ATP2A2: variants seen among roughly 807,000 people sequenced by gnomAD.
ATP2A2 encodes ATPase sarcoplasmic/endoplasmic reticulum Ca2+ transporting 2, also known as sarcoplasmic/endoplasmic reticulum calcium ATPase 2.
ATP2A2 carries 14 observed loss-of-function variants against 109.3 expected under a neutral mutation model. That is an observed-to-expected ratio of 0.13 (90% confidence interval 0.08 to 0.20). The LOEUF is 0.20. ATP2A2 is among the 10% of genes least tolerant of loss of function. The pLI, the probability that ATP2A2 is intolerant of heterozygous loss-of-function variation, is 1.00. For synonymous variants in ATP2A2, 506 were observed against 490.9 expected (o/e 1.03, Z -0.41); for missense variants, 657 against 1,321.6 (o/e 0.50, Z 7.80).
rs193082365 is a variant in ATP2A2, at chr12:110,350,687, C to T, written c.*4217C>T. On this transcript the variant is annotated 3_prime_UTR_variant, in exon 20 of 20. Transcript: ENST00000539276. ...TACAGTATTCAATTGTAATGCATGCCTTCGGTTGTAAGTAGCCAGATCCCT... is the reference window on the plus strand; with the variant it reads ...TACAGTATTCAATTGTAATGCATGCTTTCGGTTGTAAGTAGCCAGATCCCT... 25 of 278,724 alleles carry T rather than the reference C, an allele frequency of 9.0e-5. No individual in the cohort carries two copies. Among genetic ancestry groups the T allele is most frequent in the Non-Finnish European group, 4.8e-5 (7 of 145,560 alleles). The allele number at this position is 278,724 out of a possible 1,614,324, so 17.3% of individuals were successfully genotyped here.
At chr12:110,307,333 T>C (rs148668919) in intron 5 of ATP2A2, among the ~76,000 whole-genome samples, 3,175 of 151,196 alleles carry the variant, frequency 0.021, 50 homozygotes, top group Non-Finnish European at 0.032. Flanking sequence ...CAGGCTCTAG[T>C]GACCCTCCCA....
intron 5 of ATP2A2, among the ~76,000 whole-genome samples, chr12:110,320,912 C>G (rs777762797): frequency 6.6e-6 from 1 of 152,208 alleles, no homozygotes; most frequent in African/African-American, 2.4e-5. Context: ...AGAGAAAAAT[C>G]AGAACTAATT....
rs1374322704 is a variant in ATP2A2, at chr12:110,296,846, AAC to A, written c.463+113_463+114del. 2.3e-6 allele frequency: 3 copies of A among 1,277,018 alleles called. No individual in the cohort carries two copies. In the African/African-American group the frequency reaches 4.5e-5, roughly 19 times the overall value. The allele number at this position is 1,277,018 out of a possible 1,614,324, so 79.1% of individuals were successfully genotyped here. A position where few individuals can be genotyped will look rare whatever the true frequency, so the allele number is the denominator to read the frequency against. On this transcript the variant is annotated intron_variant, in intron 5 of 19. Transcript: ENST00000539276. Reference sequence around the variant, plus strand: ...AAATAATTGTTTTCATGTATCAATTAACACATTTTATTGCCATTCATACAAAT... The same window carrying A: ...AAATAATTGTTTTCATGTATCAATTAACATTTTATTGCCATTCATACAAAT...
At position 110,350,245 on chromosome 12, in the gene ATP2A2, CCT is replaced by C; in HGVS notation, c.*3780_*3781del. The C allele has an allele frequency of 1.2e-6, 2 of 1,614,160 alleles. No homozygotes were observed. Among genetic ancestry groups the C allele is most frequent in the Non-Finnish European group, 1.7e-6 (2 of 1,180,024 alleles). On this transcript the variant is annotated 3_prime_UTR_variant, in exon 20 of 20. Coordinates refer to ENST00000539276, the MANE Select transcript of ATP2A2 (RefSeq NM_170665.4). The stretch of plus-strand genomic sequence containing the variant: ...TATTTAAATAGGTATTCTAACGTTT[CCT>C]CTCTGTATTTCATGAAGCTGATTTC...
chr12:110,334,440 AACAT>A, intron 11 of ATP2A2: 1 of 454,136 alleles, frequency 2.2e-6, no homozygotes, highest in Non-Finnish European at 4.1e-6. Flanking sequence ...ACCTCCTCCC[AACAT>A]CTTTGCTGCA....
In ATP2A2 at chr12:110,347,796, G is replaced by A; in HGVS notation, c.*1326G>A. On this transcript the variant is annotated 3_prime_UTR_variant, in exon 20 of 20. Transcript: ENST00000539276. ...TTCCAACATCCATCAACTAACGTGA[G>A]TATTTTCTTCCTGGGATTTGGATGC... 1 of 1,047,746 alleles carries A rather than the reference G, an allele frequency of 9.5e-7. No homozygotes were observed. Among genetic ancestry groups the A allele is most frequent in the South Asian group, 3.2e-5 (1 of 31,524 alleles). 64.9% of individuals were successfully genotyped at this position (1,047,746 alleles called of 1,614,324 possible).
chr12:110,328,667 C>G (rs1489896843), intron 8 of ATP2A2, among the ~76,000 whole-genome samples: 2 of 152,210 alleles, frequency 1.3e-5, no homozygotes, highest in Non-Finnish European at 2.9e-5. Flanking sequence ...CTCCCAGGCT[C>G]AAGTCCTCCC....
chr12:110,322,852 G>A, intron 5 of ATP2A2, 140 bp from the exon 6 acceptor site: 2 of 718,148 alleles, frequency 2.8e-6, no homozygotes, highest in Admixed American at 4.3e-5. Context: ...CACTTTGCTT[G>A]TTTTAACTGA....
rs1164579080 is a variant in ATP2A2 at position 110,347,437 on chromosome 12, G to A, written c.*967G>A. The A allele has an allele frequency of 7.8e-7, 1 of 1,288,946 alleles. No individual in the cohort carries two copies. The highest frequency in any genetic ancestry group is 1.5e-5 in the African/African-American group (1 of 65,814). 79.8% of individuals were successfully genotyped at this position (1,288,946 alleles called of 1,614,324 possible). A position where few individuals can be genotyped will look rare whatever the true frequency, so the allele number is the denominator to read the frequency against. ...GTTGTACTCTGCTTGAGGGGAAGAA[G>A]GCTCCTGCTCTGCTGTGTAGGTAGT... On this transcript the variant is annotated 3_prime_UTR_variant, in exon 20 of 20. Transcript: ENST00000539276.
rs1053245805 is a variant in ATP2A2 at position 110,327,428 on chromosome 12, C to T, written c.631-125C>T. ...ACAGTTGTATGGCTGGTTGCTTGAA[C>T]AGTAGCCAGTGGAAGACCTAGTAGA... On this transcript the variant is annotated intron_variant, in intron 7 of 19. Coordinates refer to ENST00000539276, the MANE Select transcript of ATP2A2 (RefSeq NM_170665.4). This position sits in a 1 kb window ranked among gnomAD's most constrained non-coding sequence, Gnocchi z 4.4. 1.1e-5 allele frequency: 10 copies of T among 880,496 alleles called. No individual in the cohort carries two copies. The highest frequency in any genetic ancestry group is 1.9e-5 in the Non-Finnish European group (10 of 515,504). The allele number at this position is 880,496 out of a possible 1,614,324, so 54.5% of individuals were successfully genotyped here.
At chr12:110,296,388 G>C in intron 4 of ATP2A2, 1 of 600,308 alleles carries the variant, frequency 1.7e-6, no homozygotes, top group Non-Finnish European at 2.9e-6. Context: ...TATCCCCTTA[G>C]CTTAATTGAG....
chr12:110,313,093 C>T (rs756715365), intron 5 of ATP2A2, among the ~76,000 whole-genome samples: 3 of 152,052 alleles, frequency 2.0e-5, no homozygotes, highest in Non-Finnish European at 4.4e-5. Flanking sequence ...GAGTTCTCCT[C>T]AACCATCAGA....
intron 5 of ATP2A2, among the ~76,000 whole-genome samples, chr12:110,315,306 G>A (rs1339144439): frequency 6.6e-6 from 1 of 152,170 alleles, no homozygotes; most frequent in Admixed American, 6.5e-5. Context: ...TTAGTGCATG[G>A]TTGCCTTTGC....
At chr12:110,309,015 C>T (rs1320632373) in intron 5 of ATP2A2, among the ~76,000 whole-genome samples, 1 of 151,878 alleles carries the variant, frequency 6.6e-6, no homozygotes, top group Admixed American at 6.6e-5. Context: ...CATCTCCTGA[C>T]TTTAAAATTC....
intron 3 of ATP2A2, among the ~76,000 whole-genome samples, chr12:110,285,634 G>A (rs1437580240): frequency 6.6e-6 from 1 of 152,180 alleles, no homozygotes; most frequent in African/African-American, 2.4e-5. Flanking sequence ...GGTCCGGAAA[G>A]TTCTTGAGGA....
At chr12:110,300,378 G>A (rs183628795) in intron 5 of ATP2A2, among the ~76,000 whole-genome samples, 95 of 128,408 alleles carry the variant, frequency 7.4e-4, no homozygotes, top group African/African-American at 2.9e-3. Flanking sequence ...TTTTAAAGAC[G>A]GAATCTTGAA....
upstream of ATP2A2, chr12:110,281,151 C>T (rs1442075678): frequency 1.3e-5 from 2 of 149,218 alleles, no homozygotes; most frequent in African/African-American, 4.9e-5. Context: ...GGGGGCGGGG[C>T]CGCGCCGCCC....
chr12:110,289,415 T>C (rs1216289181), intron 3 of ATP2A2, among the ~76,000 whole-genome samples: 2 of 152,210 alleles, frequency 1.3e-5, no homozygotes, highest in African/African-American at 4.8e-5. Flanking sequence ...TCTGGCATTA[T>C]TCCTGGCCTT....
chr12:110,347,918 T>C lies in ATP2A2; in HGVS notation c.*1448T>C. 1.0e-6 allele frequency: 1 copy of C among 989,270 alleles called. No homozygotes were observed. Among genetic ancestry groups the C allele is most frequent in the Non-Finnish European group, 1.2e-6 (1 of 832,360 alleles). The allele number at this position is 989,270 out of a possible 1,614,324, so 61.3% of individuals were successfully genotyped here. A position where few individuals can be genotyped will look rare whatever the true frequency, so the allele number is the denominator to read the frequency against. Reference sequence around the variant, plus strand: ...GATGCTGCTGTGCTCCCTGATGCCCTGTGAGCACCGGGGTTGCCTGTGGCG... The same window carrying C: ...GATGCTGCTGTGCTCCCTGATGCCCCGTGAGCACCGGGGTTGCCTGTGGCG... On this transcript the variant is annotated 3_prime_UTR_variant, in exon 20 of 20. Transcript: ENST00000539276.
Sources: gnomAD v4.1 joint callset for allele counts (sites outside exome capture counted in the v4.1 genomes callset) on GRCh38, gnomAD v4.1.1 for gene constraint, Gnocchi (gnomAD v3.1) non-coding constraint, MANE v1.5 for transcripts, NCBI Gene and HGNC (gene_info 2026-07-23, HGNC 2026-07-21) for gene names.